ZNF106: variants seen among roughly 807,000 people sequenced by gnomAD.
ZNF106 encodes zinc finger protein 106.
ZNF106 carries 67 observed loss-of-function variants against 195.1 expected under a neutral mutation model. The observed-to-expected ratio is 0.34, with a 90% CI of 0.28 to 0.42. The LOEUF (loss-of-function observed/expected upper bound fraction) is 0.42, where lower values mean the gene tolerates loss of function less well. Among genes scored for constraint, ZNF106 ranks in the 10% least tolerant of loss-of-function variants. The pLI, the probability that ZNF106 is intolerant of heterozygous loss-of-function variation, is 1.00. For synonymous variants in ZNF106, 784 were observed against 818.6 expected (o/e 0.96, Z 0.72); for missense variants, 2,118 against 2,304.5 (o/e 0.92, Z 1.66).
chr15:42,420,024 C>T (rs1262775028), intron 20 of ZNF106, among the ~76,000 whole-genome samples: 4 of 152,186 alleles, frequency 2.6e-5, no homozygotes, highest in Non-Finnish European at 5.9e-5. Flanking sequence ...ATCCTTCTCT[C>T]TATAAAGCCA....
intron 3 of ZNF106, among the ~76,000 whole-genome samples, chr15:42,463,798 G>C (rs1219273517): frequency 6.6e-6 from 1 of 152,012 alleles, no homozygotes; most frequent in African/African-American, 2.4e-5. Flanking sequence ...GTGAGACCCT[G>C]TCTCAAAAAA....
chr15:42,488,265 A>G (rs539607191), intron 1 of ZNF106, among the ~76,000 whole-genome samples: 1 of 152,306 alleles, frequency 6.6e-6, no homozygotes, highest in African/African-American at 2.4e-5. Flanking sequence ...CAGTGGTTGC[A>G]AAATGCACAC....
Position 42,437,317 on chromosome 15 carries a change from T to C in ZNF106, c.4661A>G (p.Gln1554Arg). The change falls in exon 13 of 22, where the codon CAA becomes CGA. Residue 1554 changes from glutamine to arginine, a missense_variant. Physicochemically the swap from Gln to Arg is conservative, Grantham distance 43. Transcript: ENST00000564754. ...EPTEGSFEGH[Q>R]AAVNAIQIFG... ...TATCTGAATTGCATTTACGGCAGCT[T>C]GGTGTCCCTCAAAGCTTCCTTCTGT... 2 of 1,614,210 alleles carry C rather than the reference T, an allele frequency of 1.2e-6. No homozygotes were observed. The highest frequency in any genetic ancestry group is 1.7e-6 in the Non-Finnish European group (2 of 1,180,028).
In ZNF106 at chr15:42,450,802, T is replaced by A. The variant is rs894854660; in HGVS notation, c.1470A>T (p.Gln490His). 6.2e-7 allele frequency: 1 copy of A among 1,614,230 alleles called. No homozygotes were observed. Among genetic ancestry groups the A allele is most frequent in the Non-Finnish European group, 8.5e-7 (1 of 1,180,038 alleles). Residue 490 changes from glutamine (Q) to histidine (H), a missense_variant, in exon 5 of 22, where the codon CAA becomes CAT. Coordinates refer to ENST00000564754, the MANE Select transcript of ZNF106 (RefSeq NM_001366845.3). Reference sequence around the variant, plus strand: ...TGTTTTTTGAGATATTCTTTGGATCTTGCTTTTGAGACAATGATTTAGTGG... The same window carrying A: ...TGTTTTTTGAGATATTCTTTGGATCATGCTTTTGAGACAATGATTTAGTGG... ...CPATKSLSQK[Q>H]DPKNISKNTK...
chr15:42,443,867 G>A (rs1257372002), intron 9 of ZNF106, among the ~76,000 whole-genome samples: 1 of 152,136 alleles, frequency 6.6e-6, no homozygotes, highest in Non-Finnish European at 1.5e-5. Flanking sequence ...AGAACTTTGG[G>A]AGGCTGAGGC....
chr15:42,475,383 AGT>A (rs1211415395), intron 1 of ZNF106, among the ~76,000 whole-genome samples: 1 of 152,212 alleles, frequency 6.6e-6, no homozygotes, highest in Admixed American at 6.5e-5. Context: ...CAGAGGTTGC[AGT>A]GAGCCGAGAT....
At chr15:42,471,687 C>T (rs1449276559) in intron 2 of ZNF106, among the ~76,000 whole-genome samples, 3 of 152,118 alleles carry the variant, frequency 2.0e-5, no homozygotes, top group Admixed American at 6.6e-5. Flanking sequence ...GCTGAGATTG[C>T]GCCACTGCAC....
At chr15:42,457,729 G>GAT (rs1244567418) in intron 3 of ZNF106, among the ~76,000 whole-genome samples, 1 of 152,152 alleles carries the variant, frequency 6.6e-6, no homozygotes, top group Non-Finnish European at 1.5e-5. Flanking sequence ...TGGTCTGGAT[G>GAT]ATACATGTGA....
rs1192555287 is a variant in ZNF106 at position 42,478,678 on chromosome 15, A to G, written c.-32-6357T>C. 4.0e-5 allele frequency among the ~76,000 whole-genome samples: 6 copies of G among 151,570 alleles called. No individual in the cohort carries two copies. In the East Asian group the frequency reaches 1.2e-3, roughly 29 times the overall value. ...AGGCACCTGCCACCACGCCCAGCTA[A>G]CTTTTGTGTTTTTAGTAGAGACGGG... On this transcript the variant is annotated intron_variant, in intron 1 of 21. Transcript: ENST00000564754.
chr15:42,423,830 G>C (rs79798423), intron 17 of ZNF106, among the ~76,000 whole-genome samples, 168 bp downstream of exon 17: 3,086 of 152,322 alleles, frequency 0.02, 112 homozygotes, highest in African/African-American at 0.071. Context: ...TGATGAGGTA[G>C]AATTTCTAAA....
intron 1 of ZNF106, among the ~76,000 whole-genome samples, chr15:42,487,242 G>A (rs1451170868): frequency 3.9e-5 from 6 of 152,030 alleles, no homozygotes; most frequent in Non-Finnish European, 7.4e-5. Context: ...AGCACTTTGG[G>A]AGGCTGAGGC....
chr15:42,464,339 CA>C (rs113858923), intron 3 of ZNF106, among the ~76,000 whole-genome samples: 109 of 115,776 alleles, frequency 9.4e-4, no homozygotes, highest in South Asian at 4.6e-3. Flanking sequence ...GACTCCGTCT[CA>C]AAAAAAAAAA....
chr15:42,425,164 A>G (rs1317008786), intron 15 of ZNF106, 139 bp from the exon 16 acceptor site: 5 of 794,730 alleles, frequency 6.3e-6, no homozygotes, highest in Non-Finnish European at 1.0e-5. Flanking sequence ...TAACTTATCC[A>G]TCTCCGCTAT....
At position 42,456,961 on chromosome 15, in the gene ZNF106, C is replaced by G. The variant is rs748303253; in HGVS notation, c.314G>C (p.Ser105Thr). 1 of 1,612,366 alleles carries G rather than the reference C, an allele frequency of 6.2e-7. No homozygotes were observed. Residue 105 changes from serine to threonine, a missense_variant, in exon 4 of 22, where the codon AGT becomes ACT. Ser to Thr is a moderately conservative substitution (Grantham distance 58). Transcript: ENST00000564754. ...IQLIKQRKEQ[S>T]RQDEPSNSNQ... ...TTTTAAAAAATCAATTACTTACCGA[C>G]TTTGTTCTTTCCTTTGTTTTATTAA...
intron 3 of ZNF106, among the ~76,000 whole-genome samples, chr15:42,463,597 T>G (rs2056444998): frequency 6.6e-6 from 1 of 151,834 alleles, no homozygotes; most frequent in African/African-American, 2.4e-5. Context: ...AAAGGCCAAA[T>G]GAAAGACAGA....
intron 14 of ZNF106, among the ~76,000 whole-genome samples, chr15:42,432,552 T>C (rs2055089119): frequency 6.6e-6 from 1 of 152,128 alleles, no homozygotes; most frequent in Non-Finnish European, 1.5e-5. Context: ...TCTTTTACTT[T>C]CAACCTATTT....
intron 1 of ZNF106, among the ~76,000 whole-genome samples, chr15:42,483,191 A>G (rs2056941490): frequency 6.6e-6 from 1 of 152,158 alleles, no homozygotes; most frequent in Non-Finnish European, 1.5e-5. Context: ...ACTCTCCAGT[A>G]GATTTTACTG....
intron 2 of ZNF106, among the ~76,000 whole-genome samples, chr15:42,470,087 G>A (rs1375276421): frequency 1.3e-5 from 2 of 152,068 alleles, no homozygotes; most frequent in South Asian, 2.1e-4. Context: ...ATGACCAGGT[G>A]TAGTGGCTCA....
intron 3 of ZNF106, chr15:42,457,391 A>G: frequency 7.2e-7 from 1 of 1,392,718 alleles, no homozygotes; most frequent in African/African-American, 1.4e-5. Context: ...CTTCAGATAA[A>G]TGTCGTTTAG....
Sources: gnomAD v4.1 joint callset for allele counts (sites outside exome capture counted in the v4.1 genomes callset) on GRCh38, gnomAD v4.1.1 for gene constraint, MANE v1.5 for transcripts, NCBI Gene and HGNC (gene_info 2026-07-23, HGNC 2026-07-21) for gene names.